The following NCK2 variants were observed in gnomAD, a reference collection of about 807,000 sequenced individuals.
NCK2 encodes NCK adaptor protein 2.
In NCK2, 16 loss-of-function variants were observed where a neutral mutation model predicts 33.9. The observed-to-expected ratio is 0.47, with a 90% CI of 0.32 to 0.72. The LOEUF (loss-of-function observed/expected upper bound fraction) is 0.72. NCK2 is among the 30% of genes least tolerant of loss of function. The pLI is 0.03. For synonymous variants in NCK2, 273 were observed against 239.9 expected (o/e 1.14, Z -1.27); for missense variants, 418 against 537.3 (o/e 0.78, Z 2.19).
intron 4 of NCK2, among the ~76,000 whole-genome samples, chr2:105,884,518 G>T (rs1304862020): frequency 1.3e-5 from 2 of 152,156 alleles, no homozygotes; most frequent in Non-Finnish European, 2.9e-5. Flanking sequence ...CTGGCTTCTG[G>T]ATAAGCACAG....
chr2:105,763,325 C>T (rs1416981512), intron 1 of NCK2, among the ~76,000 whole-genome samples: 3 of 152,076 alleles, frequency 2.0e-5, no homozygotes, highest in Non-Finnish European at 2.9e-5. Flanking sequence ...CTGCTGGGAC[C>T]GAGGCTGCTG....
At chr2:105,793,312 A>G (rs1193198262) in intron 1 of NCK2, among the ~76,000 whole-genome samples, 1 of 151,318 alleles carries the variant, frequency 6.6e-6, no homozygotes, top group Non-Finnish European at 1.5e-5. Context: ...GTGATTGTCA[A>G]CTGTCATGGT....
At chr2:105,797,773 GC>G (rs1691138406) in intron 1 of NCK2, among the ~76,000 whole-genome samples, 2 of 152,320 alleles carry the variant, frequency 1.3e-5, no homozygotes, top group South Asian at 4.1e-4. Flanking sequence ...CCTCCTGTCA[GC>G]TTTTGTCCTC....
Position 105,864,021 on chromosome 2 carries a change from A to T in NCK2, c.226+8732A>T, listed in dbSNP as rs143497998. Among the ~76,000 whole-genome samples, 643 of 152,146 alleles carry T rather than the reference A, an allele frequency of 4.2e-3. 3 individuals carry two copies. Among genetic ancestry groups the T allele is most frequent in the African/African-American group, 0.014 (584 of 41,516 alleles). ...GATGCAGAGTGCAAGTGAGGATGTG[A>T]AGACGGAAACCCATAGGTGTGGGGA... On this transcript the variant is annotated intron_variant, in intron 3 of 4. Coordinates refer to ENST00000233154, the MANE Select transcript of NCK2 (RefSeq NM_003581.5).
chr2:105,893,140 C>T lies in NCK2; in HGVS notation c.1107C>T (p.His369=). The T allele has an allele frequency of 3.1e-6, 5 of 1,610,590 alleles. No homozygotes were observed. The highest frequency in any genetic ancestry group is 2.2e-5 in the East Asian group (1 of 44,726). The part of the protein sequence containing the change: ...YKKAPIFTSE[H]GEKLYLVRAL... ...AGGCGCCCATCTTCACCAGCGAGCACGGGGAGAAGCTCTACCTCGTCAGGG... is the reference window on the plus strand; with the variant it reads ...AGGCGCCCATCTTCACCAGCGAGCATGGGGAGAAGCTCTACCTCGTCAGGG... The change falls in exon 5 of 5, where the codon CAC becomes CAT. Residue 369 remains histidine (H), a synonymous_variant. Coordinates refer to ENST00000233154, the MANE Select transcript of NCK2 (RefSeq NM_003581.5).
chr2:105,836,819 T>C (rs1019700529), intron 2 of NCK2, among the ~76,000 whole-genome samples: 1 of 152,128 alleles, frequency 6.6e-6, no homozygotes, highest in African/African-American at 2.4e-5. Context: ...CACTCTAGTG[T>C]GAATCCAGTC....
chr2:105,787,215 G>A (rs76972003), intron 1 of NCK2, among the ~76,000 whole-genome samples: 6,827 of 152,268 alleles, frequency 0.045, 205 homozygotes, highest in South Asian at 0.12. Flanking sequence ...TCAGCTCAGC[G>A]CCGTGGAAGG....
chr2:105,825,232 G>T (rs941395550), intron 2 of NCK2, among the ~76,000 whole-genome samples: 1 of 152,180 alleles, frequency 6.6e-6, no homozygotes, highest in African/African-American at 2.4e-5. Flanking sequence ...CGAGTGGGCA[G>T]ACAGGACCTG....
chr2:105,826,563 G>A (rs1159927068), intron 2 of NCK2, among the ~76,000 whole-genome samples: 3 of 152,180 alleles, frequency 2.0e-5, no homozygotes, highest in South Asian at 2.1e-4. Flanking sequence ...ATGCAAAAAT[G>A]TAACTAATAA....
At chr2:105,855,991 C>T (rs1558871787) in intron 3 of NCK2, among the ~76,000 whole-genome samples, 2 of 152,190 alleles carry the variant, frequency 1.3e-5, no homozygotes, top group East Asian at 3.9e-4. Context: ...CCCACCACCA[C>T]ATCCGGCTAA....
At chr2:105,795,988 C>CA (rs1691070772) in intron 1 of NCK2, among the ~76,000 whole-genome samples, 1 of 152,168 alleles carries the variant, frequency 6.6e-6, no homozygotes. Flanking sequence ...GTAAAAAGAG[C>CA]AAAACAGTTT....
intron 1 of NCK2, among the ~76,000 whole-genome samples, chr2:105,811,111 G>T (rs1464627242): frequency 6.7e-6 from 1 of 150,104 alleles, no homozygotes; most frequent in Non-Finnish European, 1.5e-5. Context: ...GGAGGCAGAG[G>T]TTGCAGTGAG....
In NCK2 at chr2:105,813,932, G is replaced by C. The variant is rs114656899; in HGVS notation, c.-200-2498G>C. Among the ~76,000 whole-genome samples, 677 of 152,290 alleles carry C rather than the reference G, an allele frequency of 4.4e-3. 3 individuals carry two copies. Among genetic ancestry groups the C allele is most frequent in the African/African-American group, 0.016 (649 of 41,564 alleles). ...GGGAGATGCACGTAGTGCTAGTGAA[G>C]TACTTTTAGAGAAAAGCACACACTC... is the stretch of plus-strand genomic sequence containing the variant. On this transcript the variant is annotated intron_variant, in intron 1 of 4. Coordinates refer to ENST00000233154, the MANE Select transcript of NCK2 (RefSeq NM_003581.5).
intron 2 of NCK2, among the ~76,000 whole-genome samples, chr2:105,853,498 G>A (rs900657440): frequency 2.6e-5 from 4 of 152,296 alleles, no homozygotes; most frequent in East Asian, 1.9e-4. Context: ...GAGCAGAGTA[G>A]TTTCACAGCC....
In NCK2 at chr2:105,818,553, A is replaced by G. The variant is rs537798634; in HGVS notation, c.-17+1940A>G. Among the ~76,000 whole-genome samples the G allele has an allele frequency of 8.7e-4, 133 of 152,268 alleles. 1 individual carries two copies. The highest frequency in any genetic ancestry group is 3.7e-3 in the Admixed American group (56 of 15,288). ...TATATTTAACAGAACAAAATAGAAA[A>G]GATTGTTAAATCAAGTATGAAAGCA... On this transcript the variant is annotated intron_variant, in intron 2 of 4. Coordinates refer to ENST00000233154, the MANE Select transcript of NCK2 (RefSeq NM_003581.5).
intron 1 of NCK2, among the ~76,000 whole-genome samples, chr2:105,754,775 A>G (rs1689554246): frequency 6.6e-6 from 1 of 152,040 alleles, no homozygotes; most frequent in African/African-American, 2.4e-5. Context: ...TTAAGAGACC[A>G]AGAAATAACA....
At chr2:105,809,485 C>T (rs952699295) in intron 1 of NCK2, among the ~76,000 whole-genome samples, 4 of 152,280 alleles carry the variant, frequency 2.6e-5, no homozygotes, top group East Asian at 3.9e-4. Context: ...GTCTTTTCAA[C>T]GTGCACACCC....
At chr2:105,758,436 A>T (rs1689662807) in intron 1 of NCK2, among the ~76,000 whole-genome samples, 2 of 145,328 alleles carry the variant, frequency 1.4e-5, no homozygotes, top group African/African-American at 2.6e-5. Context: ...TTTGAGACAG[A>T]GTCTCGCTCT....
intron 3 of NCK2, among the ~76,000 whole-genome samples, chr2:105,856,208 A>G (rs1413065307): frequency 6.6e-6 from 1 of 152,238 alleles, no homozygotes; most frequent in Non-Finnish European, 1.5e-5. Context: ...CAAAGTTAAC[A>G]GTATCCAGTC....
Sources: gnomAD v4.1 joint callset for allele counts (sites outside exome capture counted in the v4.1 genomes callset) on GRCh38, gnomAD v4.1.1 for gene constraint, MANE v1.5 for transcripts, NCBI Gene and HGNC (gene_info 2026-07-23, HGNC 2026-07-21) for gene names.